Variants in MROH7 observed in about 807,000 individuals in gnomAD.
MROH7 encodes maestro heat-like repeat-containing protein family member 7.
A neutral mutation model predicts 129.2 loss-of-function variants in MROH7; 113 were observed. The observed-to-expected ratio is 0.87, with a 90% CI of 0.75 to 1.02. MROH7 has a LOEUF of 1.02. Ranked by LOEUF, MROH7 falls within the 50% of genes least tolerant of loss-of-function variation. MROH7 has a pLI of 0.00. For synonymous variants in MROH7, 655 were observed against 667.9 expected, an observed-to-expected ratio of 0.98 and a Z score of 0.30; for missense variants, 1,601 against 1,671.3, an observed-to-expected ratio of 0.96 and a Z score of 0.73.
chr1:54,654,152 C>T lies in MROH7; in HGVS notation c.1226C>T (p.Pro409Leu), dbSNP rs867240822. The T allele has an allele frequency of 1.9e-6, 3 of 1,607,180 alleles. No homozygotes were observed. The highest frequency in any genetic ancestry group is 2.7e-5 in the African/African-American group (2 of 74,850). ...GKDAVTLQGI[P>L]EGAFDEVTSC... The stretch of plus-strand genomic sequence containing the variant: ...GACGCCGTGACCTTGCAAGGCATCC[C>T]TGAGGGTAAGGCCAGGGCCGCAGCC... The change falls in exon 3 of 24, where the codon CCT (proline) becomes CTT (leucine). Residue 409 changes from proline to leucine, a missense_variant. Physicochemically the swap from Pro to Leu is moderately conservative, Grantham distance 98 (BLOSUM62 -3). Coordinates refer to ENST00000421030, the MANE Select transcript of MROH7 (RefSeq NM_001039464.4).
rs1172319706 is a variant in MROH7, at chr1:54,673,709, G to T, written c.1704G>T (p.Gly568=). ...AGLKSILEAL[G]PWMNSGKAHE... is the part of the protein sequence containing the mutation. ...TGCTTTTGATCCCACAGGCCCTGGG[G>T]CCTTGGATGAACTCTGGGAAGGCCC... The change falls in exon 9 of 24, where the codon GGG becomes GGT. Residue 568 remains glycine (G), a synonymous_variant. Coordinates refer to ENST00000421030, the MANE Select transcript of MROH7 (RefSeq NM_001039464.4). 6.2e-7 allele frequency: 1 copy of T among 1,613,734 alleles called. No homozygotes were observed. The highest frequency in any genetic ancestry group is 8.5e-7 in the Non-Finnish European group (1 of 1,179,612).
In MROH7 at chr1:54,682,786, C is replaced by A. The variant is rs368360289; in HGVS notation, c.2512C>A (p.Pro838Thr). Residue 838 changes from proline to threonine, a missense_variant, in exon 14 of 24, where the codon CCC becomes ACC. Physicochemically the swap from Pro to Thr is conservative, Grantham distance 38 (BLOSUM62 -1). Transcript: ENST00000421030. ...VTKEGRASIV[P>T]LAAASGLCEL... is the part of the protein sequence containing the mutation. ...CAAGGAGGGCCGGGCTTCCATCGTG[C>A]CCCTGGCGGTGAGCACCCAGTCAGC... 4.3e-5 allele frequency: 69 copies of A among 1,611,598 alleles called. No individual in the cohort carries two copies. The highest frequency in any genetic ancestry group is 5.5e-5 in the Non-Finnish European group (65 of 1,179,656).
chr1:54,653,016 G>A lies in MROH7; in HGVS notation c.90G>A (p.Gly30=). 1 of 1,614,172 alleles carries A rather than the reference G, an allele frequency of 6.2e-7. No individual in the cohort carries two copies. ...CCTCCTGTGGGGCCCCGGGATTAGG[G>A]TCTGGTACCATCCCTCAGCCCCACC... ...SPPSCGAPGL[G]SGTIPQPHPD... Residue 30 remains glycine (G), a synonymous_variant, in exon 3 of 24, where the codon GGG becomes GGA. Coordinates refer to ENST00000421030, the MANE Select transcript of MROH7 (RefSeq NM_001039464.4).
In MROH7 at chr1:54,696,884, C is replaced by G. The variant is rs1239002236; in HGVS notation, c.2964+1394C>G. 3.9e-5 allele frequency among the ~76,000 whole-genome samples: 6 copies of G among 152,046 alleles called. No homozygotes were observed. The South Asian group carries it at 1.2e-3, about 32-fold the overall frequency. Reference sequence around the variant, plus strand: ...ACTGGGTTTCCCCATGTTGGCCAGGCTGGTCTCGAACTCCTGACCTCAAAT... The same window carrying G: ...ACTGGGTTTCCCCATGTTGGCCAGGGTGGTCTCGAACTCCTGACCTCAAAT... On this transcript the variant is annotated intron_variant, in intron 17 of 23. Coordinates refer to ENST00000421030, the MANE Select transcript of MROH7 (RefSeq NM_001039464.4).
intron 16 of MROH7, 37 bp downstream of exon 16, chr1:54,692,598 G>C: frequency 6.3e-7 from 1 of 1,595,810 alleles, no homozygotes; most frequent in Non-Finnish European, 8.5e-7. Context: ...GGGGTGGGAG[G>C]GAGAAAGAGG....
intron 21 of MROH7, 131 bp from the exon 22 acceptor site, chr1:54,706,304 G>T: frequency 1.5e-6 from 1 of 682,874 alleles, no homozygotes; most frequent in Non-Finnish European, 2.6e-6. Flanking sequence ...GCCTGTGGGG[G>T]ACTCATGCAG....
chr1:54,699,169 TTCTTTCTTTCTTTCTTTC>T (rs1557727315), intron 17 of MROH7: 2 of 114,572 alleles, frequency 1.7e-5, no homozygotes, highest in Non-Finnish European at 2.0e-5. Context: ...TTTTCTTTCT[TTCTTTCTTTCTTTCTTTC>T]TCTTTCTTTC....
At position 54,679,282 on chromosome 1, in the gene MROH7, G is replaced by A. The variant is rs769149773; in HGVS notation, c.2069G>A (p.Gly690Glu). The A allele has an allele frequency of 9.9e-6, 16 of 1,614,068 alleles. No individual in the cohort carries two copies. Among genetic ancestry groups the A allele is most frequent in the Non-Finnish European group, 1.4e-5 (16 of 1,180,040 alleles). ...TTTCAGGAATTTGGAGACTTCCTGG[G>A]GCCCCAGCAGATAAAGGACCTGCTG... is the stretch of plus-strand genomic sequence containing the variant. ...RVIEEFGDFL[G>E]PQQIKDLLLA... is the part of the protein sequence containing the mutation. Residue 690 changes from glycine to glutamate, a missense_variant, in exon 12 of 24, where the codon GGG (glycine) becomes GAG (glutamate). By Grantham distance (98) the Gly-to-Glu change is moderately conservative (BLOSUM62 -2). Transcript: ENST00000421030.
intron 12 of MROH7, 114 bp from the exon 13 acceptor site, chr1:54,679,777 C>G: frequency 9.7e-7 from 1 of 1,032,044 alleles, no homozygotes; most frequent in South Asian, 1.5e-5. Context: ...CTCCTTTGGG[C>G]CTTCTCCCCT....
chr1:54,681,410 G>A (rs772285629), intron 13 of MROH7, among the ~76,000 whole-genome samples: 5 of 152,192 alleles, frequency 3.3e-5, no homozygotes, highest in Admixed American at 6.5e-5. Flanking sequence ...CAAGTTACAA[G>A]GGTCACTGCA....
At chr1:54,677,981 G>A (rs1281976937) in intron 10 of MROH7, among the ~76,000 whole-genome samples, 8 of 152,214 alleles carry the variant, frequency 5.3e-5, no homozygotes, top group Admixed American at 5.2e-4. Context: ...ACCACCAGGG[G>A]TAGGGGATTG....
rs1434462701 is a variant in MROH7, at chr1:54,702,121, A to G, written c.3317A>G (p.Asn1106Ser). 6.2e-7 allele frequency: 1 copy of G among 1,610,780 alleles called. No individual in the cohort carries two copies. Among genetic ancestry groups the G allele is most frequent in the Non-Finnish European group, 8.5e-7 (1 of 1,178,362 alleles). The change falls in exon 20 of 24, where the codon AAC (asparagine) becomes AGC (serine). Residue 1106 changes from asparagine (N) to serine (S), a missense_variant. Physicochemically the swap from Asn to Ser is conservative, Grantham distance 46. Coordinates refer to ENST00000421030, the MANE Select transcript of MROH7 (RefSeq NM_001039464.4). ...AREVVRSSCI[N>S]LYGKVVQKLR... The stretch of plus-strand genomic sequence containing the variant: ...GAGGTCGTGCGCTCCTCCTGCATCA[A>G]CCTGTATGGGAAGGTGGTCCAGAAG...
At chr1:54,670,101 A>G (rs1471345795) in intron 5 of MROH7, among the ~76,000 whole-genome samples, 1 of 152,132 alleles carries the variant, frequency 6.6e-6, no homozygotes, top group Non-Finnish European at 1.5e-5. Context: ...AAACATTTTA[A>G]AGGAATGCAA....
chr1:54,682,815 C>G, intron 14 of MROH7, 21 bp downstream of exon 14: 1 of 1,605,256 alleles, frequency 6.2e-7, no homozygotes, highest in South Asian at 1.1e-5. Context: ...AGTCAGCCAG[C>G]CCCTATTGCT....
rs191753685 is a variant in MROH7 at position 54,665,153 on chromosome 1, A to C, written c.1232-14A>C. 4.1e-5 allele frequency: 66 copies of C among 1,611,446 alleles called. No individual in the cohort carries two copies. The African/African-American group carries it at 6.9e-4, about 17-fold the overall frequency. On this transcript the variant is annotated splice_polypyrimidine_tract_variant and intron_variant, in intron 3 of 23. Transcript: ENST00000421030. ...CAGCTTTATCCACCTTCTCATTGAAATCGTGCCCTGCAGGAGCCTTTGATG... is the reference window on the plus strand; with the variant it reads ...CAGCTTTATCCACCTTCTCATTGAACTCGTGCCCTGCAGGAGCCTTTGATG...
chr1:54,670,140 T>C (rs1321372422), intron 5 of MROH7, among the ~76,000 whole-genome samples: 1 of 151,642 alleles, frequency 6.6e-6, no homozygotes, highest in African/African-American at 2.4e-5. Context: ...CCACACATAG[T>C]GGTTTTTGCT....
At position 54,709,937 on chromosome 1, in the gene MROH7, A is replaced by G. The variant is rs768972275; in HGVS notation, c.3731-9A>G. ...TTAATAGGAGGCTTCTCCCTTCCCC[A>G]TGACGCAGCTCTGGATAACTTGAGA... is the stretch of plus-strand genomic sequence containing the variant. On this transcript the variant is annotated splice_polypyrimidine_tract_variant and intron_variant, in intron 23 of 23. Coordinates refer to ENST00000421030, the MANE Select transcript of MROH7 (RefSeq NM_001039464.4). 12 of 1,606,668 alleles carry G rather than the reference A, an allele frequency of 7.5e-6. No individual in the cohort carries two copies. The Admixed American group carries it at 1.3e-4, about 18-fold the overall frequency.
intron 23 of MROH7, 34 bp downstream of exon 23, chr1:54,709,110 G>GGAGAGTGA (rs1436429299): frequency 6.2e-7 from 1 of 1,602,464 alleles, no homozygotes. Context: ...AAATTTCAGG[G>GGAGAGTGA]GACAGTGAGA....
intron 13 of MROH7, among the ~76,000 whole-genome samples, 178 bp from the exon 14 acceptor site, chr1:54,682,478 G>A (rs903684850): frequency 1.3e-5 from 2 of 152,092 alleles, no homozygotes; most frequent in African/African-American, 4.8e-5. Context: ...AGGAAATAGG[G>A]TTTCTTGTCC....
Sources: gnomAD v4.1 joint callset for allele counts (sites outside exome capture counted in the v4.1 genomes callset) on GRCh38, gnomAD v4.1.1 for gene constraint, MANE v1.5 for transcripts, NCBI Gene and HGNC (gene_info 2026-07-23, HGNC 2026-07-21) for gene names.